The following IL1RAPL1 variants were observed in gnomAD, a reference collection of about 807,000 sequenced individuals.
The protein encoded by IL1RAPL1 is interleukin-1 receptor accessory protein-like 1.
A neutral mutation model predicts 48.4 loss-of-function variants in IL1RAPL1; 3 were observed. The ratio of observed to expected loss-of-function variants is 0.06; its 90% confidence interval spans 0.03 to 0.16. IL1RAPL1 has a LOEUF of 0.16. Among genes scored for constraint, IL1RAPL1 ranks in the 10% least tolerant of loss-of-function variants. The pLI is 1.00. For missense variants in IL1RAPL1, 349 were observed against 530.6 expected (o/e 0.66, Z 3.36); for synonymous variants, 185 against 187.7 (o/e 0.99, Z 0.12).
chrX:28,785,258 G>A (rs1476896261), intron 1 of IL1RAPL1, among the ~76,000 whole-genome samples: 7 of 111,517 alleles, frequency 6.3e-5, no homozygotes, highest in Non-Finnish European at 1.3e-4. Flanking sequence ...CCCAGTACCT[G>A]GGACTACAGC....
At chrX:28,629,403 G>A (rs1477787263) in intron 1 of IL1RAPL1, among the ~76,000 whole-genome samples, 1 of 111,754 alleles carries the variant, frequency 8.9e-6, no homozygotes, top group African/African-American at 3.3e-5. Flanking sequence ...GGACGATTGG[G>A]TGGTCATCAC....
intron 2 of IL1RAPL1, among the ~76,000 whole-genome samples, chrX:28,949,409 C>A (rs1287268563): frequency 2.7e-5 from 3 of 111,103 alleles, no homozygotes; most frequent in Admixed American, 1.9e-4. Context: ...TTGTGGATCC[C>A]TTTGGCTCAA....
chrX:29,603,758 C>A, intron 5 of IL1RAPL1, among the ~76,000 whole-genome samples: 1 of 111,758 alleles, frequency 8.9e-6, no homozygotes, highest in Non-Finnish European at 1.9e-5. Flanking sequence ...TCCAAACATA[C>A]CATTTTCAAA....
At chrX:29,694,542 A>T (rs891506040) in intron 6 of IL1RAPL1, among the ~76,000 whole-genome samples, 8 of 111,385 alleles carry the variant, frequency 7.2e-5, no homozygotes, top group Non-Finnish European at 1.5e-4. Flanking sequence ...TGGGTGGCTT[A>T]TGAACCTTGA....
chrX:28,903,034 C>T (rs187332224), intron 2 of IL1RAPL1, among the ~76,000 whole-genome samples: 2 of 112,228 alleles, frequency 1.8e-5, no homozygotes, highest in East Asian at 5.6e-4. Context: ...TTGAGGGCCA[C>T]TGGCTTAACC....
intron 3 of IL1RAPL1, among the ~76,000 whole-genome samples, chrX:29,302,821 C>T (rs752139817): frequency 3.6e-5 from 4 of 111,453 alleles, no homozygotes; most frequent in Non-Finnish European, 3.8e-5. Flanking sequence ...AGAAACAAAC[C>T]GCAAGGAAAC....
At chrX:28,638,132 A>G (rs1459383771) in intron 1 of IL1RAPL1, among the ~76,000 whole-genome samples, 2 of 111,800 alleles carry the variant, frequency 1.8e-5, no homozygotes, top group Non-Finnish European at 3.8e-5. Flanking sequence ...TGATTTTTAA[A>G]CAAATATCCT....
intron 8 of IL1RAPL1, among the ~76,000 whole-genome samples, chrX:29,923,149 C>T (rs1272168324): frequency 1.8e-5 from 2 of 111,775 alleles, no homozygotes; most frequent in African/African-American, 6.5e-5. Flanking sequence ...TTCCTTAATG[C>T]CAAGGGGATA....
intron 3 of IL1RAPL1, among the ~76,000 whole-genome samples, chrX:29,308,984 T>G (rs1932665182): frequency 8.9e-6 from 1 of 112,369 alleles, no homozygotes; most frequent in South Asian, 3.7e-4. Context: ...GGGCTTTATC[T>G]TAAACACCAG....
chrX:29,593,205 C>G (rs779979442), intron 5 of IL1RAPL1, among the ~76,000 whole-genome samples: 1 of 111,405 alleles, frequency 9.0e-6, no homozygotes, highest in Admixed American at 9.6e-5. Flanking sequence ...CCTCCCTCCT[C>G]CTCCACTTTA....
At position 29,882,458 on chromosome X, in the gene IL1RAPL1, C is replaced by G. The variant is rs149119264; in HGVS notation, c.779-35006C>G. Among the ~76,000 whole-genome samples, 1,035 of 111,660 alleles carry G rather than the reference C, an allele frequency of 9.3e-3. 14 individuals are homozygous for G. Among genetic ancestry groups the G allele is most frequent in the African/African-American group, 0.031 (966 of 30,774 alleles). ...CTGGAATAATACTAGTACTGACATC[C>G]AGGGTTGTGAAGAGAATAATCTACA... On this transcript the variant is annotated intron_variant, in intron 6 of 10. Coordinates refer to ENST00000378993, the MANE Select transcript of IL1RAPL1 (RefSeq NM_014271.4).
intron 6 of IL1RAPL1, among the ~76,000 whole-genome samples, chrX:29,867,591 G>A (rs923072260): frequency 1.8e-5 from 2 of 111,796 alleles, no homozygotes; most frequent in Non-Finnish European, 1.9e-5. Flanking sequence ...ATAAATTCTC[G>A]TTTATAAATT....
chrX:29,399,105 T>C, intron 4 of IL1RAPL1, 50 bp from the exon 5 acceptor site: 2 of 1,007,350 alleles, frequency 2.0e-6, no homozygotes, highest in Non-Finnish European at 2.8e-6. Context: ...AACTGTTCTA[T>C]ATTTTTCCAT....
chrX:29,429,148 C>A (rs191417323), intron 5 of IL1RAPL1, among the ~76,000 whole-genome samples: 1 of 111,874 alleles, frequency 8.9e-6, no homozygotes, highest in East Asian at 2.8e-4. Flanking sequence ...AGAAATGTTT[C>A]CAAAACTTCA....
In IL1RAPL1 at chrX:28,704,831, C is replaced by CAAAA. The variant is rs1179973377; in HGVS notation, c.-24-84474_-24-84471dup. On this transcript the variant is annotated intron_variant, in intron 1 of 10. Coordinates refer to ENST00000378993, the MANE Select transcript of IL1RAPL1 (RefSeq NM_014271.4). Reference sequence around the variant, plus strand: ...ACACACACACACACACACACACACACAAAAAAAAAAAAAAAAAACTGTGAC... The same window carrying CAAAA: ...ACACACACACACACACACACACACACAAAAAAAAAAAAAAAAAAAAAACTGTGAC... 3.0e-3 allele frequency among the ~76,000 whole-genome samples: 90 copies of CAAAA among 29,636 alleles called. 1 individual carries two copies. Among genetic ancestry groups the CAAAA allele is most frequent in the Admixed American group, 0.012 (22 of 1,889 alleles). 25.7% of individuals were successfully genotyped at this position (29,636 alleles called of 115,157 possible).
At chrX:29,496,631 A>C (rs186271118) in intron 5 of IL1RAPL1, among the ~76,000 whole-genome samples, 1 of 111,044 alleles carries the variant, frequency 9.0e-6, no homozygotes, top group Non-Finnish European at 1.9e-5. Context: ...CGTTTTCAGT[A>C]TAAATTACCC....
chrX:29,775,205 A>G (rs2147153551), intron 6 of IL1RAPL1, among the ~76,000 whole-genome samples: 1 of 111,638 alleles, frequency 9.0e-6, no homozygotes, highest in East Asian at 2.8e-4. Flanking sequence ...CTTTTGCTAC[A>G]CCTACACTTA....
At chrX:29,232,622 A>G (rs1931222177) in intron 2 of IL1RAPL1, among the ~76,000 whole-genome samples, 1 of 111,122 alleles carries the variant, frequency 9.0e-6, no homozygotes, top group Non-Finnish European at 1.9e-5. Context: ...ATTGCCTAAC[A>G]TGTTTCTTTT....
intron 2 of IL1RAPL1, among the ~76,000 whole-genome samples, chrX:28,800,847 T>TTTTATTTATTTATTTATTTA (rs201705177): frequency 1.1e-5 from 1 of 93,709 alleles, no homozygotes; most frequent in African/African-American, 4.1e-5. Flanking sequence ...ATTAAAGGGA[T>TTTTATTTATTTATTTATTTA]TTTATTTATT....
Sources: allele counts gnomAD v4.1 joint callset (sites outside exome capture counted in the v4.1 genomes callset), GRCh38; gene constraint gnomAD v4.1.1; transcripts MANE v1.5; gene names NCBI Gene and HGNC (gene_info 2026-07-23, HGNC 2026-07-21).